Variants in CD8B observed in about 807,000 individuals in gnomAD.
CD8B encodes the protein CD8 subunit beta, also known as T-cell surface glycoprotein CD8 beta chain.
In CD8B, 6 loss-of-function variants were observed where a neutral mutation model predicts 24.2. That is an observed-to-expected ratio of 0.25 (90% CI 0.14 to 0.49). The LOEUF (loss-of-function observed/expected upper bound fraction) is 0.49, where lower values mean the gene tolerates loss of function less well. CD8B is among the 20% of genes least tolerant of loss of function. The pLI is 0.98. For synonymous variants in CD8B, 84 were observed against 108.3 expected (o/e 0.78, Z 1.39); for missense variants, 196 against 271.3 (o/e 0.72, Z 1.95).
At chr2:86,852,465 T>C in intron 3 of CD8B, among the ~76,000 whole-genome samples, 1 of 151,958 alleles carries the variant, frequency 6.6e-6, no homozygotes, top group Non-Finnish European at 1.5e-5. Context: ...AGAAACCTTA[T>C]ACCCATTAGG....
Position 86,858,162 on chromosome 2 carries a change from T to A in CD8B, c.298A>T (p.Ile100Phe), listed in dbSNP as rs751852075. 12 of 1,613,886 alleles carry A rather than the reference T, an allele frequency of 7.4e-6. No individual in the cohort carries two copies. The East Asian group carries it at 2.5e-4, about 33-fold the overall frequency. ...GGCTTCACGCTTGTGAGATTGAGAATGAACCGGCTTGCATCCCGAAACACA... is the reference window on the plus strand; with the variant it reads ...GGCTTCACGCTTGTGAGATTGAGAAAGAACCGGCTTGCATCCCGAAACACA... ...IAVFRDASRF[I>F]LNLTSVKPED... The change falls in exon 2 of 6, where the codon ATT (isoleucine) becomes TTT (phenylalanine). Residue 100 changes from isoleucine to phenylalanine, a missense_variant. By Grantham distance (21) the Ile-to-Phe change is conservative. Transcript: ENST00000390655.
downstream of CD8B, among the ~76,000 whole-genome samples, chr2:86,837,839 A>G (rs1281047961): frequency 6.6e-6 from 1 of 152,076 alleles, no homozygotes; most frequent in Non-Finnish European, 1.5e-5. Flanking sequence ...CAGACCCATT[A>G]AGGTCCACAG....
At chr2:86,859,646 C>T (rs1340964404) in intron 1 of CD8B, among the ~76,000 whole-genome samples, 9 of 151,794 alleles carry the variant, frequency 5.9e-5, no homozygotes, top group African/African-American at 1.2e-4. Flanking sequence ...CCATACACAC[C>T]AAGGCTGCAC....
intron 5 of CD8B, among the ~76,000 whole-genome samples, chr2:86,828,909 A>G (rs964219872): frequency 6.7e-6 from 1 of 149,340 alleles, no homozygotes; most frequent in African/African-American, 2.5e-5. Flanking sequence ...TATCTTCTCC[A>G]TATATACATA....
intron 3 of CD8B, among the ~76,000 whole-genome samples, chr2:86,852,345 G>T (rs909926649): frequency 2.6e-5 from 4 of 152,190 alleles, no homozygotes; most frequent in Admixed American, 6.5e-5. Flanking sequence ...TATAATTTAC[G>T]TATAAAGTCC....
chr2:86,819,890 G>A (rs771994940), intron 5 of CD8B, among the ~76,000 whole-genome samples: 1 of 152,218 alleles, frequency 6.6e-6, no homozygotes, highest in Non-Finnish European at 1.5e-5. Context: ...ATTCATGGGA[G>A]CAGGTATAAA....
chr2:86,818,357 T>C (rs1674338661), intron 5 of CD8B, among the ~76,000 whole-genome samples: 1 of 152,230 alleles, frequency 6.6e-6, no homozygotes, highest in Non-Finnish European at 1.5e-5. Context: ...TTTATTGTGC[T>C]GCACGGATGT....
chr2:86,860,528 G>A (rs951501125), intron 1 of CD8B, among the ~76,000 whole-genome samples: 7 of 152,158 alleles, frequency 4.6e-5, no homozygotes, highest in African/African-American at 1.4e-4. Context: ...TCCTGTGGGG[G>A]AGATACTGTT....
chr2:86,818,870 T>C (rs1674358347), intron 5 of CD8B, among the ~76,000 whole-genome samples: 4 of 152,190 alleles, frequency 2.6e-5, no homozygotes, highest in Admixed American at 1.3e-4. Flanking sequence ...TTGTGTCAAA[T>C]AATGAGCCAA....
intron 2 of CD8B, 108 bp from the exon 3 acceptor site, chr2:86,853,194 A>G (rs1676062548): frequency 2.0e-6 from 3 of 1,524,852 alleles, no homozygotes; most frequent in East Asian, 2.5e-5. Context: ...TGGAATCCCA[A>G]CACTTCCGGA....
intron 5 of CD8B, chr2:86,815,842 A>G (rs1674221492): frequency 1.4e-6 from 1 of 690,760 alleles, no homozygotes; most frequent in Non-Finnish European, 2.6e-6. Context: ...CAAATTCAAC[A>G]CAGAAAGAGC....
rs1037404696 is a variant in CD8B at position 86,840,203 on chromosome 2, T to C, written c.*2104A>G. Among the ~76,000 whole-genome samples the C allele has an allele frequency of 4.0e-5, 6 of 151,818 alleles. No homozygotes were observed. Among genetic ancestry groups the C allele is most frequent in the Non-Finnish European group, 7.4e-5 (5 of 67,958 alleles). On this transcript the variant is annotated 3_prime_UTR_variant, in exon 6 of 6. Transcript: ENST00000390655. ...CTGGGGGCAGGGCATCTAAGGCCAA[T>C]TCGTGCTGAATGAAGGAGAAACACC... is the stretch of plus-strand genomic sequence containing the variant.
At chr2:86,823,199 A>G (rs142598199) in intron 5 of CD8B, among the ~76,000 whole-genome samples, 98 of 151,500 alleles carry the variant, frequency 6.5e-4, no homozygotes, top group African/African-American at 2.3e-3. Flanking sequence ...CAGAGACACC[A>G]CTCTTGGTAC....
In CD8B at chr2:86,844,946, C is replaced by G; in HGVS notation, c.596G>C (p.Arg199Thr). 2 of 1,556,728 alleles carry G rather than the reference C, an allele frequency of 1.3e-6. No homozygotes were observed. Among genetic ancestry groups the G allele is most frequent in the South Asian group, 1.2e-5 (1 of 84,302 alleles). ...CTGTTTCATGAAACGAAGCCGGGCT[C>G]TCCTCCGCCGGCCTGGAAGAGGAAA... ...VAIHLCCRRRRARLRFMKQFY... is the reference protein window; with the variant it reads ...VAIHLCCRRRTARLRFMKQFY... The change falls in exon 5 of 6, where the codon AGA becomes ACA. Residue 199 changes from arginine to threonine, a missense_variant. Transcript: ENST00000390655.
chr2:86,816,958 A>G (rs1377893230), intron 5 of CD8B, among the ~76,000 whole-genome samples: 1 of 152,228 alleles, frequency 6.6e-6, no homozygotes, highest in East Asian at 1.9e-4. Context: ...GCAACAGAAG[A>G]TCTTTATCCA....
chr2:86,817,353 A>C (rs532662742), intron 5 of CD8B, among the ~76,000 whole-genome samples: 1 of 152,312 alleles, frequency 6.6e-6, no homozygotes, highest in East Asian at 1.9e-4. Flanking sequence ...ACAGAAGCAC[A>C]AACAACAGAA....
At chr2:86,860,068 G>C (rs1676489636) in intron 1 of CD8B, among the ~76,000 whole-genome samples, 1 of 151,974 alleles carries the variant, frequency 6.6e-6, no homozygotes, top group Non-Finnish European at 1.5e-5. Context: ...TCAGGATATC[G>C]AGACCAGCCT....
rs1675303209 is a variant in CD8B at position 86,839,154 on chromosome 2, A to G, written c.*3153T>C. ...ACATATTGTGCCATATATTGTATTA[A>G]GAATAATCTATACAGATGTTTTAAA... On this transcript the variant is annotated 3_prime_UTR_variant, in exon 6 of 6. Coordinates refer to ENST00000390655, the MANE Select transcript of CD8B (RefSeq NM_004931.5). 6.6e-6 allele frequency among the ~76,000 whole-genome samples: 1 copy of G among 152,256 alleles called. No homozygotes were observed. The highest frequency in any genetic ancestry group is 1.5e-5 in the Non-Finnish European group (1 of 68,036).
intron 5 of CD8B, among the ~76,000 whole-genome samples, chr2:86,827,622 A>C (rs368571116): frequency 1.7e-5 from 1 of 58,542 alleles, no homozygotes; most frequent in Non-Finnish European, 3.7e-5. Flanking sequence ...ACCCTATCTC[A>C]AAAAAAAAAA....
Sources: allele counts gnomAD v4.1 joint callset (sites outside exome capture counted in the v4.1 genomes callset), GRCh38; gene constraint gnomAD v4.1.1; transcripts MANE v1.5; gene names NCBI Gene and HGNC (gene_info 2026-07-23, HGNC 2026-07-21).